Variants in SOX5 observed in about 807,000 individuals in gnomAD.
SOX5 encodes SRY-box transcription factor 5.
Under a neutral mutation model 92.0 loss-of-function variants are expected in SOX5, and 9 were observed. That is an observed-to-expected ratio of 0.10 (90% CI 0.06 to 0.17). SOX5 has a LOEUF of 0.17. Among genes scored for constraint, SOX5 ranks in the 10% least tolerant of loss-of-function variants. The pLI, the probability that SOX5 is intolerant of heterozygous loss-of-function variation, is 1.00. For synonymous variants in SOX5, 344 were observed against 336.3 expected, an observed-to-expected ratio of 1.02 and a Z score of -0.25; for missense variants, 642 against 944.5, an observed-to-expected ratio of 0.68 and a Z score of 4.20.
rs796664603 is a variant in SOX5 at position 23,887,913 on chromosome 12, GTA to G, written c.270+7878_270+7879del. ...GAATTGATGGTAATTGGTCCAGTGT[GTA>G]TATGTGTGTGTGTGTGTGTGTGTGT... On this transcript the variant is annotated intron_variant, in intron 2 of 14. Transcript: ENST00000451604. 7.3e-4 allele frequency among the ~76,000 whole-genome samples: 91 copies of G among 124,950 alleles called. 1 individual carries two copies. The highest frequency in any genetic ancestry group is 2.6e-3 in the African/African-American group (90 of 34,730). 82.0% of individuals were successfully genotyped at this position (124,950 alleles called of 152,430 possible).
intron 4 of SOX5, among the ~76,000 whole-genome samples, chr12:24,115,066 C>T (rs1356629687): frequency 8.6e-5 from 13 of 151,962 alleles, no homozygotes; most frequent in South Asian, 4.2e-4. Context: ...TGAACGAAGA[C>T]GGAATGTATA....
At chr12:23,570,911 A>C (rs1464110568) in intron 10 of SOX5, among the ~76,000 whole-genome samples, 1 of 6,498 alleles carries the variant, frequency 1.5e-4, no homozygotes, top group East Asian at 2.5e-3. Context: ...ACTCCAACTC[A>C]AAAAAAAAAA....
intron 4 of SOX5, among the ~76,000 whole-genome samples, chr12:23,747,745 T>C (rs2094038407): frequency 6.6e-6 from 1 of 152,048 alleles, no homozygotes; most frequent in Non-Finnish European, 1.5e-5. Flanking sequence ...CTCCTAGTTA[T>C]AATGCCCCGA....
At chr12:24,212,849 G>A (rs1958781172) in intron 4 of SOX5, among the ~76,000 whole-genome samples, 1 of 152,136 alleles carries the variant, frequency 6.6e-6, no homozygotes, top group African/African-American at 2.4e-5. Context: ...ATTAGCGTTG[G>A]CAAACAGATT....
chr12:24,021,857 A>C (rs983862062), intron 4 of SOX5, among the ~76,000 whole-genome samples: 4 of 152,202 alleles, frequency 2.6e-5, no homozygotes, highest in African/African-American at 9.6e-5. Context: ...TGTCACCTTC[A>C]TGTACTCTAC....
chr12:24,500,157 G>A (rs958078644), intron 1 of SOX5, among the ~76,000 whole-genome samples: 4 of 152,052 alleles, frequency 2.6e-5, no homozygotes, highest in Non-Finnish European at 4.4e-5. Flanking sequence ...ATCTTTATGT[G>A]GTGAGTGTTT....
At chr12:24,413,007 G>A (rs1249261705) in intron 1 of SOX5, among the ~76,000 whole-genome samples, 5 of 151,958 alleles carry the variant, frequency 3.3e-5, no homozygotes, top group Non-Finnish European at 5.9e-5. Context: ...CACCCACCTC[G>A]GCCTCCCAAA....
chr12:23,914,042 A>T (rs1212077262), intron 1 of SOX5, among the ~76,000 whole-genome samples: 1 of 152,180 alleles, frequency 6.6e-6, no homozygotes, highest in Non-Finnish European at 1.5e-5. Context: ...AAGGAATTAA[A>T]ACCTTTGCAA....
intron 6 of SOX5, among the ~76,000 whole-genome samples, chr12:23,687,975 A>C (rs145382790): frequency 6.1e-4 from 93 of 151,952 alleles, no homozygotes; most frequent in African/African-American, 2.1e-3. Flanking sequence ...AGAATACTCT[A>C]GACAATAGTA....
At chr12:24,372,827 C>A (rs1460602303) in intron 1 of SOX5, among the ~76,000 whole-genome samples, 1 of 151,886 alleles carries the variant, frequency 6.6e-6, no homozygotes, top group African/African-American at 2.4e-5. Flanking sequence ...CTTCTTTAAA[C>A]AGACTTGGGG....
At chr12:23,679,296 T>C (rs538402407) in intron 6 of SOX5, among the ~76,000 whole-genome samples, 159 of 152,202 alleles carry the variant, frequency 1.0e-3, no homozygotes, top group Non-Finnish European at 1.7e-3. Context: ...GGATATTCCT[T>C]TGGTGAAAGA....
chr12:23,658,699 T>C (rs2082635802), intron 7 of SOX5, among the ~76,000 whole-genome samples: 1 of 152,116 alleles, frequency 6.6e-6, no homozygotes, highest in Non-Finnish European at 1.5e-5. Flanking sequence ...GAAACCAGGC[T>C]GGCCAACATG....
At chr12:24,016,601 G>A (rs1050638103) in intron 4 of SOX5, among the ~76,000 whole-genome samples, 1 of 152,110 alleles carries the variant, frequency 6.6e-6, no homozygotes, top group African/African-American at 2.4e-5. Context: ...TGACTTTGGA[G>A]GAAAAATTGT....
chr12:24,146,212 T>A (rs1389682728), intron 4 of SOX5, among the ~76,000 whole-genome samples: 2 of 151,690 alleles, frequency 1.3e-5, no homozygotes, highest in Non-Finnish European at 3.0e-5. Flanking sequence ...CATGGAATAT[T>A]TACAGAGTCC....
chr12:23,853,970 C>G (rs917846163), intron 2 of SOX5, among the ~76,000 whole-genome samples: 1 of 152,086 alleles, frequency 6.6e-6, no homozygotes, highest in Non-Finnish European at 1.5e-5. Context: ...TTGTAACTAG[C>G]CACTGATTAG....
intron 4 of SOX5, among the ~76,000 whole-genome samples, chr12:23,753,358 C>T (rs2141200794): frequency 6.6e-6 from 1 of 151,776 alleles, no homozygotes; most frequent in East Asian, 1.9e-4. Context: ...CACACACGCA[C>T]ACACTTATTC....
chr12:23,917,262 C>T (rs1454725044), intron 1 of SOX5, among the ~76,000 whole-genome samples: 1 of 151,998 alleles, frequency 6.6e-6, no homozygotes, highest in Non-Finnish European at 1.5e-5. Flanking sequence ...AACTTCTGGC[C>T]GGGCGCAGTG....
chr12:23,542,361 G>C (rs1401329111), intron 13 of SOX5, among the ~76,000 whole-genome samples: 1 of 152,140 alleles, frequency 6.6e-6, no homozygotes, highest in African/African-American at 2.4e-5. Context: ...AGGTTGTCTA[G>C]TATCTGGCCA....
intron 11 of SOX5, among the ~76,000 whole-genome samples, chr12:23,556,803 T>C (rs1419847958): frequency 6.6e-6 from 1 of 152,178 alleles, no homozygotes. Context: ...TCACAATTCC[T>C]CACAGCCCTT....
Sources: gnomAD v4.1 joint callset for allele counts (sites outside exome capture counted in the v4.1 genomes callset) on GRCh38, gnomAD v4.1.1 for gene constraint, MANE v1.5 for transcripts, NCBI Gene and HGNC (gene_info 2026-07-23, HGNC 2026-07-21) for gene names.